Variants in CHEK1 observed in about 807,000 individuals in gnomAD.
The protein encoded by CHEK1 is serine/threonine-protein kinase Chk1.
In CHEK1, 32 loss-of-function variants were observed where a neutral mutation model predicts 60.2. That is an observed-to-expected ratio of 0.53 (90% CI 0.40 to 0.71). The LOEUF is 0.71. CHEK1 is among the 30% of genes least tolerant of loss of function. The probability of loss-of-function intolerance (pLI) is 0.00; values close to 1 mark genes in which losing one functional copy is unlikely to be tolerated. For missense variants in CHEK1, 399 were observed against 564.6 expected, an observed-to-expected ratio of 0.71 and a Z score of 2.97; for synonymous variants, 179 against 187.2, an observed-to-expected ratio of 0.96 and a Z score of 0.36.
intron 13 of CHEK1, among the ~76,000 whole-genome samples, chr11:125,673,826 A>G (rs1217579845): frequency 6.6e-6 from 1 of 151,940 alleles, no homozygotes; most frequent in Non-Finnish European, 1.5e-5. Flanking sequence ...TGTCAGTTCT[A>G]CTTGCAATCT....
intron 13 of CHEK1, among the ~76,000 whole-genome samples, chr11:125,662,586 T>C (rs937295064): frequency 9.2e-5 from 14 of 152,350 alleles, no homozygotes; most frequent in Admixed American, 4.6e-4. Context: ...GTTCATTCCT[T>C]TTTATTGCTA....
chr11:125,632,724 A>G (rs1262821815), intron 5 of CHEK1, among the ~76,000 whole-genome samples: 2 of 152,122 alleles, frequency 1.3e-5, no homozygotes, highest in African/African-American at 2.4e-5. Flanking sequence ...GTGTCTTCAC[A>G]TATTTTCTTC....
chr11:125,672,556 T>C (rs1441964577), intron 13 of CHEK1: 4 of 1,610,550 alleles, frequency 2.5e-6, no homozygotes, highest in Non-Finnish European at 3.4e-6. Context: ...TGGAGGCTTT[T>C]TACTGCCTGA....
Position 125,675,531 on chromosome 11 carries a change from G to T in CHEK1, c.*28-397G>T, listed in dbSNP as rs116628564. On this transcript the variant is annotated intron_variant, in intron 13 of 13. Transcript: ENST00000428830. ...GAAAAACTACAAGAGGAGTCAGGCA[G>T]TGTGGTTCCTGGGATGGAAATAACC... Among the ~76,000 whole-genome samples, 872 of 152,322 alleles carry T rather than the reference G, an allele frequency of 5.7e-3. 9 individuals are homozygous for T. Among genetic ancestry groups the T allele is most frequent in the African/African-American group, 0.019 (783 of 41,560 alleles).
At chr11:125,654,262 G>A (rs959791109) in intron 12 of CHEK1, among the ~76,000 whole-genome samples, 5 of 152,014 alleles carry the variant, frequency 3.3e-5, no homozygotes, top group Non-Finnish European at 5.9e-5. Flanking sequence ...CCTGGGAGGC[G>A]GAGGTTGCAG....
At chr11:125,661,514 G>A (rs1942014828), downstream of CHEK1, among the ~76,000 whole-genome samples, 1 of 152,102 alleles carries the variant, frequency 6.6e-6, no homozygotes, top group Non-Finnish European at 1.5e-5. Flanking sequence ...GTTTCATCGT[G>A]TTGTCCAGGC....
intron 8 of CHEK1, among the ~76,000 whole-genome samples, chr11:125,638,385 A>C (rs980976488): frequency 4.6e-5 from 7 of 152,208 alleles, no homozygotes. Flanking sequence ...AAGAAATTTA[A>C]GAACTAGTAT....
chr11:125,678,976 TATTA>T (rs937182484), downstream of CHEK1, among the ~76,000 whole-genome samples: 17 of 18,490 alleles, frequency 9.2e-4, no homozygotes, highest in African/African-American at 3.4e-3. Context: ...AGTCTAGGCA[TATTA>T]TATATATATA....
At chr11:125,636,533 C>G (rs1422317382) in intron 7 of CHEK1, among the ~76,000 whole-genome samples, 1 of 152,026 alleles carries the variant, frequency 6.6e-6, no homozygotes, top group East Asian at 1.9e-4. Context: ...AATTGCTTCC[C>G]GAAAGTTCGA....
chr11:125,646,864 G>T (rs1403037360), intron 11 of CHEK1, among the ~76,000 whole-genome samples: 1 of 152,032 alleles, frequency 6.6e-6, no homozygotes. Context: ...ACCTTGTCAG[G>T]TACCTGATTT....
chr11:125,626,133 A>C, intron 1 of CHEK1, 121 bp downstream of exon 1: 3 of 589,594 alleles, frequency 5.1e-6, no homozygotes, highest in Non-Finnish European at 6.1e-6. Context: ...GATTGGAGAG[A>C]CTCCTGCGGA....
intron 8 of CHEK1, among the ~76,000 whole-genome samples, chr11:125,639,785 C>T (rs1941211961): frequency 6.6e-6 from 1 of 152,182 alleles, no homozygotes; most frequent in Non-Finnish European, 1.5e-5. Flanking sequence ...ACCACCATCT[C>T]CTCCATACTA....
intron 5 of CHEK1, among the ~76,000 whole-genome samples, chr11:125,630,895 C>T (rs1940838646): frequency 6.6e-6 from 1 of 151,740 alleles, no homozygotes; most frequent in South Asian, 2.1e-4. Context: ...CATGGCTTTT[C>T]AAGCCATGTC....
chr11:125,654,595 C>A (rs1018693398), intron 12 of CHEK1, among the ~76,000 whole-genome samples: 1 of 151,848 alleles, frequency 6.6e-6, no homozygotes, highest in Non-Finnish European at 1.5e-5. Context: ...CTTTAGAAAT[C>A]ATTGATTCTA....
At chr11:125,677,194 A>T (rs1942552669), downstream of CHEK1, among the ~76,000 whole-genome samples, 4 of 152,240 alleles carry the variant, frequency 2.6e-5, 1 homozygote, top group South Asian at 8.3e-4. Flanking sequence ...TTTAAACAAT[A>T]GAGTGAAATG....
At chr11:125,638,474 A>G (rs1180215829) in intron 8 of CHEK1, among the ~76,000 whole-genome samples, 3 of 152,174 alleles carry the variant, frequency 2.0e-5, no homozygotes, top group Non-Finnish European at 4.4e-5. Context: ...TCAGAGAGTT[A>G]TTAATGTTTA....
At chr11:125,650,452 G>T (rs566601182) in intron 11 of CHEK1, among the ~76,000 whole-genome samples, 16 of 123,986 alleles carry the variant, frequency 1.3e-4, no homozygotes, top group Admixed American at 1.0e-3. Flanking sequence ...TTTTTTAGTG[G>T]TGTTTGTTTT....
intron 8 of CHEK1, among the ~76,000 whole-genome samples, chr11:125,639,306 C>T (rs1941189791): frequency 6.6e-6 from 1 of 151,858 alleles, no homozygotes; most frequent in Non-Finnish European, 1.5e-5. Flanking sequence ...CTTAATGCTT[C>T]CTGGCATTTG....
chr11:125,645,959 A>G (rs1941484974), intron 11 of CHEK1, among the ~76,000 whole-genome samples: 1 of 152,174 alleles, frequency 6.6e-6, no homozygotes, highest in Non-Finnish European at 1.5e-5. Flanking sequence ...TCTTTCAGGT[A>G]GACTCAGAGA....
Sources: allele counts gnomAD v4.1 joint callset (sites outside exome capture counted in the v4.1 genomes callset), GRCh38; gene constraint gnomAD v4.1.1; transcripts MANE v1.5; gene names NCBI Gene and HGNC (gene_info 2026-07-23, HGNC 2026-07-21).